The following B3GALT1 variants were observed in gnomAD, a reference collection of about 807,000 sequenced individuals.
B3GALT1 encodes beta-1,3-galactosyltransferase 1.
In B3GALT1, 10 loss-of-function variants were observed where a neutral mutation model predicts 23.2. The ratio of observed to expected loss-of-function variants is 0.43; its 90% CI spans 0.27 to 0.73. The LOEUF (loss-of-function observed/expected upper bound fraction) is 0.73. Among genes scored for constraint, B3GALT1 ranks in the 30% least tolerant of loss-of-function variants. The pLI is 0.21. For synonymous variants in B3GALT1, 156 were observed against 141.5 expected (o/e 1.10, Z -0.73); for missense variants, 299 against 405.4 (o/e 0.74, Z 2.25).
chr2:167,714,550 A>T (rs200809195), intron 3 of B3GALT1: 4 of 1,612,992 alleles, frequency 2.5e-6, no homozygotes, highest in Non-Finnish European at 8.5e-7. Context: ...TTGAAACATC[A>T]AGTGCATTAG....
chr2:167,689,199 G>A (rs1686670618), intron 3 of B3GALT1, among the ~76,000 whole-genome samples: 1 of 148,566 alleles, frequency 6.7e-6, no homozygotes, highest in Admixed American at 6.7e-5. Flanking sequence ...TACTTATAGA[G>A]CAAAACAGTT....
chr2:167,507,162 TGA>T (rs1699931598), intron 2 of B3GALT1, among the ~76,000 whole-genome samples: 1 of 152,054 alleles, frequency 6.6e-6, no homozygotes, highest in Non-Finnish European at 1.5e-5. Flanking sequence ...AACAGAAAGA[TGA>T]GTGGAATAGA....
chr2:167,696,337 A>G (rs1222384227), intron 3 of B3GALT1, among the ~76,000 whole-genome samples: 1 of 150,100 alleles, frequency 6.7e-6, no homozygotes, highest in African/African-American at 2.4e-5. Flanking sequence ...TGTCAAAGCT[A>G]TCAAGAGGAA....
chr2:167,572,199 TGTA>T (rs1239422322), intron 2 of B3GALT1, among the ~76,000 whole-genome samples: 1 of 151,882 alleles, frequency 6.6e-6, no homozygotes, highest in African/African-American at 2.4e-5. Context: ...AGGCTATTCA[TGTA>T]GTATTCTTTC....
chr2:167,750,189 C>T (rs1263494261), intron 3 of B3GALT1, among the ~76,000 whole-genome samples: 1 of 152,154 alleles, frequency 6.6e-6, no homozygotes, highest in East Asian at 1.9e-4. Flanking sequence ...TGTCTATTTG[C>T]AAGCCTGAGT....
At chr2:167,719,253 G>A (rs1687195751) in intron 3 of B3GALT1, among the ~76,000 whole-genome samples, 1 of 152,116 alleles carries the variant, frequency 6.6e-6, no homozygotes, top group Non-Finnish European at 1.5e-5. Context: ...TCAGATATGT[G>A]TTCATGTATG....
chr2:167,829,250 G>A (rs376070260), intron 4 of B3GALT1, among the ~76,000 whole-genome samples: 4 of 152,094 alleles, frequency 2.6e-5, no homozygotes, highest in East Asian at 1.9e-4. Flanking sequence ...TTGGGAGGCC[G>A]AGGTAGGTGG....
At chr2:167,361,212 G>GTTTTT (rs66780629) in intron 1 of B3GALT1, among the ~76,000 whole-genome samples, 1 of 104,214 alleles carries the variant, frequency 9.6e-6, no homozygotes, top group African/African-American at 3.4e-5. Context: ...TCCCCCACTA[G>GTTTTT]TTTTTTTTTT....
chr2:167,762,281 C>G (rs1296256247), intron 3 of B3GALT1, among the ~76,000 whole-genome samples: 1 of 152,080 alleles, frequency 6.6e-6, no homozygotes, highest in Non-Finnish European at 1.5e-5. Flanking sequence ...CCAATACATA[C>G]AAGAAATTCA....
intron 1 of B3GALT1, among the ~76,000 whole-genome samples, chr2:167,388,815 G>A (rs1387281368): frequency 1.3e-5 from 2 of 152,122 alleles, no homozygotes; most frequent in Non-Finnish European, 2.9e-5. Flanking sequence ...GAGAACTTCT[G>A]TACTATAATA....
chr2:167,518,215 A>G (rs961000347), intron 2 of B3GALT1, among the ~76,000 whole-genome samples: 2 of 152,118 alleles, frequency 1.3e-5, no homozygotes, highest in African/African-American at 2.4e-5. Context: ...CAAACCTGCA[A>G]TTGTAATCTC....
rs1056586489 is a variant in B3GALT1 at position 167,772,092 on chromosome 2, G to T, written c.-351-46580G>T. 5.3e-5 allele frequency among the ~76,000 whole-genome samples: 8 copies of T among 151,042 alleles called. No homozygotes were observed. In the South Asian group the frequency reaches 1.1e-3, roughly 20 times the overall value. On this transcript the variant is annotated intron_variant, in intron 3 of 4. Transcript: ENST00000392690. ...AATGACTGACGGGGGGAATCCAAAA[G>T]GCTGCCATGGTTTCTAGTCCCAGAC...
intron 2 of B3GALT1, among the ~76,000 whole-genome samples, chr2:167,564,089 G>A (rs1183581284): frequency 1.3e-5 from 2 of 150,634 alleles, no homozygotes; most frequent in African/African-American, 4.9e-5. Flanking sequence ...GGGCGGAGGG[G>A]CCCCTCACCT....
At chr2:167,363,099 C>A (rs1697523143) in intron 1 of B3GALT1, among the ~76,000 whole-genome samples, 1 of 151,800 alleles carries the variant, frequency 6.6e-6, no homozygotes, top group African/African-American at 2.4e-5. Context: ...ATGTAATCCA[C>A]CCACCTCAGC....
Position 167,849,613 on chromosome 2 carries a change from C to T in B3GALT1, c.-229-19198C>T, listed in dbSNP as rs150893221. ...GATTAAGGACTTAAACCTGGCCGGG[C>T]GCGGTGGCTCAAGCCTGTAATCCCA... On this transcript the variant is annotated intron_variant, in intron 4 of 4. Transcript: ENST00000392690. Among the ~76,000 whole-genome samples the T allele has an allele frequency of 5.3e-5, 8 of 152,148 alleles. No homozygotes were observed. The East Asian group carries it at 7.8e-4, about 15-fold the overall frequency.
chr2:167,665,131 T>A (rs1364606100), intron 3 of B3GALT1, among the ~76,000 whole-genome samples: 1 of 150,468 alleles, frequency 6.6e-6, no homozygotes, highest in Non-Finnish European at 1.5e-5. Flanking sequence ...TTTTGAGATA[T>A]GTCCCATCAA....
chr2:167,440,016 TTTTTG>T (rs945945162), intron 1 of B3GALT1, among the ~76,000 whole-genome samples: 1 of 152,106 alleles, frequency 6.6e-6, no homozygotes, highest in African/African-American at 2.4e-5. Flanking sequence ...GTATCTTGGA[TTTTTG>T]TTTTGTTTTA....
intron 2 of B3GALT1, among the ~76,000 whole-genome samples, chr2:167,632,129 C>G (rs900010470): frequency 6.6e-6 from 1 of 151,970 alleles, no homozygotes; most frequent in African/African-American, 2.4e-5. Flanking sequence ...TGAACTCATC[C>G]TTTTTTATGG....
chr2:167,560,233 T>C (rs1473133049), intron 2 of B3GALT1, among the ~76,000 whole-genome samples: 1 of 152,026 alleles, frequency 6.6e-6, no homozygotes, highest in Non-Finnish European at 1.5e-5. Context: ...AGAAATAAAA[T>C]ACTTTACAGA....
Sources: allele counts gnomAD v4.1 joint callset (sites outside exome capture counted in the v4.1 genomes callset), GRCh38; gene constraint gnomAD v4.1.1; transcripts MANE v1.5; gene names NCBI Gene and HGNC (gene_info 2026-07-23, HGNC 2026-07-21).